CASK: variants seen among roughly 807,000 people sequenced by gnomAD.
The protein encoded by CASK is calcium/calmodulin dependent serine protein kinase.
CASK carries 4 observed loss-of-function variants against 82.9 expected under a neutral mutation model. That is an observed-to-expected ratio of 0.05 (90% CI 0.02 to 0.11). CASK has a LOEUF of 0.11. Ranked by LOEUF, CASK falls within the 10% of genes least tolerant of loss-of-function variation. CASK has a pLI of 1.00. For missense variants in CASK, 358 were observed against 720.9 expected (o/e 0.50, Z 5.76); for synonymous variants, 259 against 253.5 (o/e 1.02, Z -0.20).
intron 1 of CASK, among the ~76,000 whole-genome samples, chrX:41,914,762 G>A: frequency 8.9e-6 from 1 of 111,752 alleles, no homozygotes; most frequent in Non-Finnish European, 1.9e-5. Flanking sequence ...ATAATCTTAG[G>A]AAAACCAAAT....
chrX:41,717,159 T>C (rs751065734), intron 5 of CASK, among the ~76,000 whole-genome samples: 9 of 111,782 alleles, frequency 8.1e-5, no homozygotes, highest in African/African-American at 2.6e-4. Flanking sequence ...CTCCATCCAA[T>C]GGAGACAGGA....
chrX:41,868,102 T>G (rs2071624275), intron 1 of CASK, among the ~76,000 whole-genome samples: 1 of 112,338 alleles, frequency 8.9e-6, no homozygotes, highest in African/African-American at 3.2e-5. Flanking sequence ...AGCACAAATT[T>G]AAACCAGTAA....
intron 2 of CASK, among the ~76,000 whole-genome samples, chrX:41,830,376 T>C (rs2070768324): frequency 9.0e-6 from 1 of 111,230 alleles, no homozygotes; most frequent in African/African-American, 3.3e-5. Flanking sequence ...AGAATTTACT[T>C]TGAGGATACC....
intron 2 of CASK, among the ~76,000 whole-genome samples, chrX:41,828,987 A>T (rs886562095): frequency 4.5e-5 from 5 of 111,915 alleles, no homozygotes; most frequent in Admixed American, 9.5e-5. Flanking sequence ...GGCACAGAAC[A>T]GGTATGTCAT....
At chrX:41,784,115 G>A (rs2069535388) in intron 3 of CASK, among the ~76,000 whole-genome samples, 1 of 111,589 alleles carries the variant, frequency 9.0e-6, no homozygotes, top group Admixed American at 9.5e-5. Flanking sequence ...TTGTAAACAA[G>A]TCTGTGGTCT....
chrX:41,829,738 T>C (rs1235950331), intron 2 of CASK, among the ~76,000 whole-genome samples: 4 of 40,992 alleles, frequency 9.8e-5, no homozygotes, highest in South Asian at 1.4e-3. Context: ...TATATATATA[T>C]ATATATATAT....
chrX:41,842,805 C>T (rs1048927694), intron 2 of CASK, among the ~76,000 whole-genome samples: 7 of 111,557 alleles, frequency 6.3e-5, no homozygotes, highest in Admixed American at 9.5e-5. Context: ...TAGGCAAACA[C>T]GAGAGATCTT....
intron 25 of CASK, among the ~76,000 whole-genome samples, chrX:41,528,990 C>T (rs902451767): frequency 1.8e-5 from 2 of 112,450 alleles, no homozygotes; most frequent in Non-Finnish European, 3.8e-5. Flanking sequence ...GCAGGAGGGC[C>T]TGGGACCAGT....
chrX:41,544,487 G>A (rs1396057148), intron 21 of CASK, among the ~76,000 whole-genome samples: 1 of 106,208 alleles, frequency 9.4e-6, no homozygotes, highest in Non-Finnish European at 1.9e-5. Context: ...AATTACTTGA[G>A]CCTGAGAGGT....
chrX:41,733,144 C>T (rs1186264113), intron 5 of CASK, among the ~76,000 whole-genome samples: 1 of 95,370 alleles, frequency 1.0e-5, no homozygotes, highest in Non-Finnish European at 2.1e-5. Context: ...CCACTGCACT[C>T]CAACCTGGGC....
At chrX:41,646,043 C>A (rs555936252) in intron 8 of CASK, among the ~76,000 whole-genome samples, 8 of 111,220 alleles carry the variant, frequency 7.2e-5, no homozygotes, top group Middle Eastern at 4.6e-3. Flanking sequence ...ATAAATACCC[C>A]CCTCTGTGCC....
intron 15 of CASK, among the ~76,000 whole-genome samples, chrX:41,571,886 C>T (rs2065417013): frequency 9.0e-6 from 1 of 111,053 alleles, no homozygotes; most frequent in South Asian, 3.7e-4. Context: ...TCTTAATTTC[C>T]CTTTTGATTT....
chrX:41,659,778 C>T (rs1199583091), intron 8 of CASK, among the ~76,000 whole-genome samples: 1 of 110,427 alleles, frequency 9.1e-6, no homozygotes, highest in Non-Finnish European at 1.9e-5. Flanking sequence ...GCGGGCAGAT[C>T]GCTCGAGTCC....
chrX:41,636,480 T>C (rs1158750166), intron 9 of CASK, 98 bp downstream of exon 9: 1 of 543,258 alleles, frequency 1.8e-6, no homozygotes, highest in Non-Finnish European at 3.2e-6. Flanking sequence ...ACAAAAACAA[T>C]GGCCAGCATT....
chrX:41,569,621 G>GA (rs770849215), intron 16 of CASK, 47 bp downstream of exon 16: 9 of 912,837 alleles, frequency 9.9e-6, no homozygotes, highest in South Asian at 4.1e-5. Flanking sequence ...AGGCTACAGG[G>GA]AAAAAAAATT....
At chrX:41,675,287 T>C (rs2067249878) in intron 5 of CASK, among the ~76,000 whole-genome samples, 1 of 112,245 alleles carries the variant, frequency 8.9e-6, no homozygotes, top group African/African-American at 3.2e-5. Flanking sequence ...CATGGTTTAA[T>C]ATGTGGTATC....
At chrX:41,611,180 T>C (rs181182640) in intron 11 of CASK, among the ~76,000 whole-genome samples, 1 of 111,869 alleles carries the variant, frequency 8.9e-6, no homozygotes, top group East Asian at 2.8e-4. Context: ...GCCCAAAATG[T>C]CAGTAGTGCT....
intron 5 of CASK, chrX:41,698,005 T>TG (rs1323661381): frequency 9.0e-6 from 1 of 111,037 alleles, no homozygotes; most frequent in Non-Finnish European, 1.9e-5. Flanking sequence ...TTTCATATGT[T>TG]GGCCAGGCTG....
rs866414014 is a variant in CASK, at chrX:41,854,230, A to G, written c.60-1003T>C. ...CGCGCGCGCGCGGGCGCGCGCACAC[A>G]CACACACACACACACACACACACAC... On this transcript the variant is annotated intron_variant, in intron 1 of 26. Transcript: ENST00000378163. Among the ~76,000 whole-genome samples, 584 of 99,001 alleles carry G rather than the reference A, an allele frequency of 5.9e-3. 5 individuals are homozygous for G. Among genetic ancestry groups the G allele is most frequent in the African/African-American group, 0.014 (342 of 24,122 alleles). The allele number at this position is 99,001 out of a possible 115,157, so 86.0% of individuals were successfully genotyped here. A position where few individuals can be genotyped will look rare whatever the true frequency, so the allele number is the denominator to read the frequency against.
Sources: allele counts gnomAD v4.1 joint callset (sites outside exome capture counted in the v4.1 genomes callset), GRCh38; gene constraint gnomAD v4.1.1; transcripts MANE v1.5; gene names NCBI Gene and HGNC (gene_info 2026-07-23, HGNC 2026-07-21).